Variants in SETD7 observed in about 807,000 individuals in gnomAD.
SETD7 encodes SET domain containing 7, histone lysine methyltransferase, also known as histone-lysine N-methyltransferase SETD7.
In SETD7, 16 loss-of-function variants were observed where a neutral mutation model predicts 41.8. The ratio of observed to expected loss-of-function variants is 0.38; its 90% CI spans 0.26 to 0.58. The LOEUF is 0.58. SETD7 is among the 20% of genes least tolerant of loss of function. The pLI is 0.64. For synonymous variants in SETD7, 163 were observed against 169.7 expected, an observed-to-expected ratio of 0.96 and a Z score of 0.31; for missense variants, 346 against 459.7, an observed-to-expected ratio of 0.75 and a Z score of 2.26.
intron 7 of SETD7, among the ~76,000 whole-genome samples, chr4:139,497,322 G>T (rs1288178105): frequency 6.6e-6 from 1 of 151,930 alleles, no homozygotes; most frequent in Non-Finnish European, 1.5e-5. Flanking sequence ...GGGCATGGTG[G>T]CAGGCACCTG....
chr4:139,515,824 T>C (rs915099157), intron 7 of SETD7, among the ~76,000 whole-genome samples: 2 of 152,192 alleles, frequency 1.3e-5, no homozygotes, highest in South Asian at 2.1e-4. Flanking sequence ...TAAATGCACA[T>C]GATCTGATTT....
At chr4:139,499,056 T>G (rs1726519576) in intron 7 of SETD7, among the ~76,000 whole-genome samples, 1 of 152,178 alleles carries the variant, frequency 6.6e-6, no homozygotes, top group African/African-American at 2.4e-5. Flanking sequence ...AGCAAGAGTC[T>G]GTCTCAAAAA....
At chr4:139,502,690 A>G (rs1450035867), downstream of SETD7, among the ~76,000 whole-genome samples, 1 of 152,186 alleles carries the variant, frequency 6.6e-6, no homozygotes, top group Non-Finnish European at 1.5e-5. Context: ...TCCACCACAC[A>G]ACCCTCCCTC....
chr4:139,547,432 A>C (rs1727995185), intron 1 of SETD7, among the ~76,000 whole-genome samples: 1 of 152,208 alleles, frequency 6.6e-6, no homozygotes, highest in Non-Finnish European at 1.5e-5. Flanking sequence ...TGATGCCTCC[A>C]ATCTCTCATG....
In SETD7 at chr4:139,517,898, A is replaced by T; in HGVS notation, c.907T>A (p.Cys303Ser). ...GGTAATACTTACATATCGTAGATGC[A>T]GTTTGGAGTGAAGGAGTGATTTGCC... ...HKANHSFTPN[C>S]IYDMFVHPRF... Residue 303 changes from cysteine (C) to serine (S), a missense_variant, in exon 7 of 8, where the codon TGC (cysteine) becomes AGC (serine). Cys to Ser is a moderately radical substitution (Grantham distance 112). Transcript: ENST00000274031. The T allele has an allele frequency of 6.2e-7, 1 of 1,613,504 alleles. No individual in the cohort carries two copies. The highest frequency in any genetic ancestry group is 1.1e-5 in the South Asian group (1 of 90,988).
downstream of SETD7, among the ~76,000 whole-genome samples, chr4:139,502,808 T>C (rs530934612): frequency 6.6e-6 from 1 of 151,992 alleles, no homozygotes; most frequent in East Asian, 1.9e-4. Context: ...TGAGATGGGA[T>C]GGAGAAGCTA....
chr4:139,549,199 A>AC (rs1056685693), intron 1 of SETD7, among the ~76,000 whole-genome samples: 23 of 152,336 alleles, frequency 1.5e-4, no homozygotes, highest in African/African-American at 4.6e-4. Context: ...AAATGCTTTC[A>AC]CCATAGAAAA....
chr4:139,503,020 T>C (rs151049460), downstream of SETD7, among the ~76,000 whole-genome samples: 19 of 151,606 alleles, frequency 1.3e-4, no homozygotes, highest in African/African-American at 4.4e-4. Flanking sequence ...TCTACCAAAA[T>C]ACAAAAAATT....
chr4:139,518,114 A>C (rs968992160), intron 6 of SETD7, 72 bp from the exon 7 acceptor site: 1 of 1,444,996 alleles, frequency 6.9e-7, no homozygotes, highest in East Asian at 2.5e-5. Flanking sequence ...CAGAGATATT[A>C]ACTCATTTAT....
intron 4 of SETD7, among the ~76,000 whole-genome samples, chr4:139,526,046 T>TTTTG (rs140153702): frequency 1.6e-4 from 24 of 150,984 alleles, no homozygotes; most frequent in African/African-American, 3.6e-4. Flanking sequence ...TGTTGTTTGT[T>TTTTG]TTTGTTTGTT....
intron 7 of SETD7, among the ~76,000 whole-genome samples, chr4:139,496,939 T>G (rs2111105572): frequency 6.7e-6 from 1 of 149,960 alleles, no homozygotes; most frequent in South Asian, 2.1e-4. Context: ...TAAAGAAATT[T>G]CAGAGGCCAA....
chr4:139,536,634 C>T (rs1200335020), intron 2 of SETD7, among the ~76,000 whole-genome samples: 1 of 152,058 alleles, frequency 6.6e-6, no homozygotes, highest in Admixed American at 6.5e-5. Flanking sequence ...ATCACTTGAA[C>T]CCAGGAGGCA....
downstream of SETD7, among the ~76,000 whole-genome samples, chr4:139,495,642 A>G (rs148027478): frequency 2.0e-5 from 3 of 152,320 alleles, no homozygotes; most frequent in African/African-American, 7.2e-5. Context: ...TGAGAACAGC[A>G]TGGGGGAAAA....
At chr4:139,518,335 G>T (rs986622580) in intron 6 of SETD7, among the ~76,000 whole-genome samples, 20 of 152,090 alleles carry the variant, frequency 1.3e-4, no homozygotes, top group African/African-American at 4.8e-4. Flanking sequence ...CACCATGTTG[G>T]CCAGGCTGGT....
At chr4:139,503,904 G>A (rs1726642681), downstream of SETD7, among the ~76,000 whole-genome samples, 1 of 152,214 alleles carries the variant, frequency 6.6e-6, no homozygotes, top group Admixed American at 6.5e-5. Flanking sequence ...CTCAGTGATA[G>A]AGGCCATAGA....
intron 3 of SETD7, among the ~76,000 whole-genome samples, chr4:139,531,722 G>A (rs1392451428): frequency 6.6e-6 from 1 of 152,140 alleles, no homozygotes; most frequent in African/African-American, 2.4e-5. Flanking sequence ...TTTAGCTGGG[G>A]TTACTTTTCT....
intron 6 of SETD7, among the ~76,000 whole-genome samples, chr4:139,518,574 GA>G (rs913050003): frequency 1.3e-5 from 2 of 150,902 alleles, no homozygotes; most frequent in African/African-American, 2.4e-5. Context: ...TGTTCTATAT[GA>G]AAAAAAAGGA....
intron 7 of SETD7, among the ~76,000 whole-genome samples, chr4:139,513,179 G>C (rs1187029015): frequency 6.6e-6 from 1 of 152,108 alleles, no homozygotes; most frequent in African/African-American, 2.4e-5. Flanking sequence ...CAGCACTTTG[G>C]GAGGCTGAGG....
intron 5 of SETD7, 38 bp from the exon 6 acceptor site, chr4:139,520,432 C>T (rs766542784): frequency 8.2e-7 from 1 of 1,216,188 alleles, no homozygotes; most frequent in South Asian, 1.4e-5. Context: ...ACCTTTTCAG[C>T]TTAATATGTC....
Sources: gnomAD v4.1 joint callset for allele counts (sites outside exome capture counted in the v4.1 genomes callset) on GRCh38, gnomAD v4.1.1 for gene constraint, MANE v1.5 for transcripts, NCBI Gene and HGNC (gene_info 2026-07-23, HGNC 2026-07-21) for gene names.